Variants in SLC6A5 observed in about 807,000 individuals in gnomAD.
The protein encoded by SLC6A5 is solute carrier family 6 member 5.
In SLC6A5, 58 loss-of-function variants were observed where a neutral mutation model predicts 90.5. The ratio of observed to expected loss-of-function variants is 0.64; its 90% CI spans 0.52 to 0.80. SLC6A5 has a LOEUF of 0.80. Ranked by LOEUF, SLC6A5 falls within the 30% of genes least tolerant of loss-of-function variation. SLC6A5 has a pLI of 0.00. For missense variants in SLC6A5, 1,015 were observed against 1,017.6 expected (o/e 1.00, Z 0.03); for synonymous variants, 427 against 401.4 (o/e 1.06, Z -0.76).
At chr11:20,612,213 C>A (rs1307115882) in intron 5 of SLC6A5, among the ~76,000 whole-genome samples, 2 of 152,170 alleles carry the variant, frequency 1.3e-5, no homozygotes, top group African/African-American at 4.8e-5. Flanking sequence ...GGAGATGATG[C>A]TGAAGACTAG....
rs777388587 is a variant in SLC6A5, at chr11:20,654,774, G to C, written c.2300G>C (p.Gly767Ala). ...DWGPFLAQHRGERYKNMIDPL... is the reference protein window; with the variant it reads ...DWGPFLAQHRAERYKNMIDPL... ...GGCCCATTCTTAGCTCAACACCGCG[G>C]GGAGCGTTACAAGAACATGATCGAC... Residue 767 changes from glycine (G) to alanine (A), a missense_variant, in exon 16 of 16, where the codon GGG (glycine) becomes GCG (alanine). Gly to Ala is a moderately conservative substitution (Grantham distance 60, BLOSUM62 0). This residue lies in a region of SLC6A5 where 442 missense variants were observed against 494.3 expected (regional missense o/e 0.89). Coordinates refer to ENST00000525748, the MANE Select transcript of SLC6A5 (RefSeq NM_004211.5). 1 of 1,614,124 alleles carries C rather than the reference G, an allele frequency of 6.2e-7. No homozygotes were observed. Among genetic ancestry groups the C allele is most frequent in the South Asian group, 1.1e-5 (1 of 91,078 alleles).
chr11:20,632,760 A>C (rs1853132113), intron 10 of SLC6A5, among the ~76,000 whole-genome samples: 1 of 152,212 alleles, frequency 6.6e-6, no homozygotes, highest in Non-Finnish European at 1.5e-5. Context: ...GCCTGCATTC[A>C]ACCTGAGCCC....
intron 7 of SLC6A5, among the ~76,000 whole-genome samples, chr11:20,622,172 C>G (rs66639394): frequency 0.11 from 16,744 of 152,228 alleles, 1,012 homozygotes; most frequent in East Asian, 0.2. Context: ...CTGAATCTCC[C>G]CTGACACAGG....
chr11:20,652,757 T>C (rs776081271), intron 15 of SLC6A5, among the ~76,000 whole-genome samples: 2 of 152,200 alleles, frequency 1.3e-5, no homozygotes, highest in Non-Finnish European at 2.9e-5. Flanking sequence ...TCCTCTCCCC[T>C]TATCCACAGT....
rs964414001 is a variant in SLC6A5, at chr11:20,656,693, G to A, written c.*1825G>A. On this transcript the variant is annotated 3_prime_UTR_variant, in exon 16 of 16. Transcript: ENST00000525748. ...TGGGTTTTGAACTTTAGATTTTCAT[G>A]TCTTTTGTCTGCAGTGTATATTTGT... The A allele has an allele frequency of 2.0e-5, 3 of 152,144 alleles. No individual in the cohort carries two copies. The highest frequency in any genetic ancestry group is 4.4e-5 in the Non-Finnish European group (3 of 68,020). 9.4% of individuals were successfully genotyped at this position (152,144 alleles called of 1,614,324 possible).
At position 20,601,688 on chromosome 11, in the gene SLC6A5, C is replaced by A. The variant is rs75478325; in HGVS notation, c.540+23C>A. 120 of 1,607,686 alleles carry A rather than the reference C, an allele frequency of 7.5e-5. No homozygotes were observed. In the African/African-American group the frequency reaches 1.5e-3, roughly 21 times the overall value. On this transcript the variant is annotated intron_variant, in intron 2 of 15. Transcript: ENST00000525748. The stretch of plus-strand genomic sequence containing the variant: ...CAGGTAAGCAGGTTGCATTACGGCC[C>A]GCACAGTGTCCTGCTCTCCAGCTGC...
In SLC6A5 at chr11:20,657,696, C is replaced by G. The variant is rs1295803909; in HGVS notation, c.*2828C>G. ...ACTGTGTAGAATGGTGGAGCATTTTCCACTTGTGAGATTATTTCATAACAC... is the reference window on the plus strand; with the variant it reads ...ACTGTGTAGAATGGTGGAGCATTTTGCACTTGTGAGATTATTTCATAACAC... On this transcript the variant is annotated 3_prime_UTR_variant, in exon 16 of 16. Coordinates refer to ENST00000525748, the MANE Select transcript of SLC6A5 (RefSeq NM_004211.5). 6.6e-6 allele frequency: 1 copy of G among 152,096 alleles called. No individual in the cohort carries two copies. Among genetic ancestry groups the G allele is most frequent in the Non-Finnish European group, 1.5e-5 (1 of 68,012 alleles). 9.4% of individuals were successfully genotyped at this position (152,096 alleles called of 1,614,324 possible). A position where few individuals can be genotyped will look rare whatever the true frequency, so the allele number is the denominator to read the frequency against.
At position 20,619,317 on chromosome 11, in the gene SLC6A5, A is replaced by T; in HGVS notation, c.1260+1433A>T. 1.3e-5 allele frequency among the ~76,000 whole-genome samples: 2 copies of T among 152,204 alleles called. 1 individual carries two copies. Among genetic ancestry groups the T allele is most frequent in the Non-Finnish European group, 2.9e-5 (2 of 68,032 alleles). On this transcript the variant is annotated intron_variant, in intron 7 of 15. Transcript: ENST00000525748. The stretch of plus-strand genomic sequence containing the variant: ...AGCATCTATTAGCCACATAGACCGA[A>T]CTGTCTTCTCCCTGGGGACATGGAC...
chr11:20,657,345 T>C lies in SLC6A5; in HGVS notation c.*2477T>C, dbSNP rs1853649812. On this transcript the variant is annotated 3_prime_UTR_variant, in exon 16 of 16. Transcript: ENST00000525748. ...TTGGGGGCATTTACATTTGTGTTAATTATGATTTGTCCAGGTAAGATGCAG... is the reference window on the plus strand; with the variant it reads ...TTGGGGGCATTTACATTTGTGTTAACTATGATTTGTCCAGGTAAGATGCAG... The C allele has an allele frequency of 6.6e-6, 1 of 152,220 alleles. No individual in the cohort carries two copies. Among genetic ancestry groups the C allele is most frequent in the Middle Eastern group, 3.4e-3 (1 of 294 alleles). The allele number at this position is 152,220 out of a possible 1,614,324, so 9.4% of individuals were successfully genotyped here.
At chr11:20,618,221 C>T (rs1463598957) in intron 7 of SLC6A5, among the ~76,000 whole-genome samples, 3 of 152,186 alleles carry the variant, frequency 2.0e-5, no homozygotes, top group Non-Finnish European at 4.4e-5. Flanking sequence ...AGTCACTTTC[C>T]CTAAACTCTA....
intron 5 of SLC6A5, among the ~76,000 whole-genome samples, chr11:20,612,713 T>C (rs938106541): frequency 6.6e-6 from 1 of 152,056 alleles, no homozygotes; most frequent in Admixed American, 6.5e-5. Context: ...CAGATAGGGG[T>C]CTTGTTATGT....
At chr11:20,639,131 G>A (rs1263408054) in intron 13 of SLC6A5, among the ~76,000 whole-genome samples, 1 of 152,116 alleles carries the variant, frequency 6.6e-6, no homozygotes, top group Non-Finnish European at 1.5e-5. Context: ...CCATATCAGT[G>A]GGGCCATTAT....
intron 6 of SLC6A5, among the ~76,000 whole-genome samples, 188 bp from the exon 7 acceptor site, chr11:20,617,564 G>C (rs1309867187): frequency 6.6e-6 from 1 of 152,188 alleles, no homozygotes; most frequent in African/African-American, 2.4e-5. Flanking sequence ...AGATGGCTGT[G>C]GGCAAGAGCC....
At position 20,653,778 on chromosome 11, in the gene SLC6A5, C is replaced by G. The variant is rs75739659; in HGVS notation, c.2239-935C>G. Among the ~76,000 whole-genome samples, 243 of 152,326 alleles carry G rather than the reference C, an allele frequency of 1.6e-3. 2 individuals are homozygous for G. Among genetic ancestry groups the G allele is most frequent in the African/African-American group, 5.7e-3 (235 of 41,574 alleles). On this transcript the variant is annotated intron_variant, in intron 15 of 15. Coordinates refer to ENST00000525748, the MANE Select transcript of SLC6A5 (RefSeq NM_004211.5). ...CTTCTGCCGCACATAAGCCTCCCCA[C>G]CAACTGACCCAGAAATCTCTTTCCC...
intron 2 of SLC6A5, 66 bp from the exon 3 acceptor site, chr11:20,604,220 G>A: frequency 6.5e-7 from 1 of 1,541,172 alleles, no homozygotes; most frequent in Non-Finnish European, 8.8e-7. Context: ...CGGGGGGGAG[G>A]GTGGAAGGGG....
chr11:20,652,370 G>A lies in SLC6A5; in HGVS notation c.2152G>A (p.Gly718Arg), dbSNP rs777399866. The change falls in exon 15 of 16, where the codon GGA becomes AGA. Residue 718 changes from glycine to arginine, a missense_variant. Gly to Arg is a moderately radical substitution (Grantham distance 125). This residue lies in a region of SLC6A5 where 442 missense variants were observed against 494.3 expected (regional missense o/e 0.89). Coordinates refer to ENST00000525748, the MANE Select transcript of SLC6A5 (RefSeq NM_004211.5). The stretch of plus-strand genomic sequence containing the variant: ...CTATCCTAACTGGTCCATGGTGCTC[G>A]GATGGCTAATGCTCGCCTGTTCCGT... Reference protein sequence around the residue: ...YRYPNWSMVLGWLMLACSVIW... With the variant: ...YRYPNWSMVLRWLMLACSVIW... The A allele has an allele frequency of 1.2e-5, 20 of 1,613,846 alleles. No individual in the cohort carries two copies. The highest frequency in any genetic ancestry group is 3.3e-5 in the South Asian group (3 of 91,078).
intron 14 of SLC6A5, among the ~76,000 whole-genome samples, chr11:20,647,435 T>TTA (rs1287715695): frequency 3.5e-5 from 5 of 143,038 alleles, no homozygotes; most frequent in Admixed American, 1.4e-4. Context: ...ATAGTTCCTA[T>TTA]TATATATATA....
intron 2 of SLC6A5, 107 bp from the exon 3 acceptor site, chr11:20,604,179 T>TGGGA: frequency 7.1e-7 from 1 of 1,399,162 alleles, no homozygotes; most frequent in Middle Eastern, 1.9e-4. Flanking sequence ...GGTTGAGAAG[T>TGGGA]GGGAGCCTGC....
chr11:20,601,345 C>A lies in SLC6A5; in HGVS notation c.220C>A (p.Arg74=). 6.3e-7 allele frequency: 1 copy of A among 1,598,638 alleles called. No homozygotes were observed. The highest frequency in any genetic ancestry group is 1.1e-5 in the South Asian group (1 of 89,388). Residue 74 remains arginine (R), a synonymous_variant, in exon 2 of 16, where the codon CGG becomes AGG. Transcript: ENST00000525748. ...SADARACEAE[R]PGVGSCKLSS... Reference sequence around the variant, plus strand: ...GGACGCGCGAGCCTGCGAGGCTGAGCGGCCAGGAGTGGGGTCTTGCAAACT... The same window carrying A: ...GGACGCGCGAGCCTGCGAGGCTGAGAGGCCAGGAGTGGGGTCTTGCAAACT...
Sources: allele counts gnomAD v4.1 joint callset (sites outside exome capture counted in the v4.1 genomes callset), GRCh38; gene constraint gnomAD v4.1.1; regional missense constraint gnomAD v4.1.1; transcripts MANE v1.5; gene names NCBI Gene and HGNC (gene_info 2026-07-23, HGNC 2026-07-21).